Variants in EPHA6 observed in about 807,000 individuals in gnomAD.
The protein encoded by EPHA6 is EPH receptor A6, also known as ephrin type-A receptor 6.
Under a neutral mutation model 112.0 loss-of-function variants are expected in EPHA6, and 50 were observed. The ratio of observed to expected loss-of-function variants is 0.45; its 90% confidence interval spans 0.36 to 0.56. The LOEUF (loss-of-function observed/expected upper bound fraction) is 0.56. Ranked by LOEUF, EPHA6 falls within the 20% of genes least tolerant of loss-of-function variation. The probability of loss-of-function intolerance (pLI) is 0.00; values close to 1 mark genes in which losing one functional copy is unlikely to be tolerated. For missense variants in EPHA6, 1,280 were observed against 1,417.4 expected (o/e 0.90, Z 1.56); for synonymous variants, 529 against 490.7 (o/e 1.08, Z -1.03).
chr3:97,688,554 A>G (rs1172222286), intron 14 of EPHA6, among the ~76,000 whole-genome samples: 2 of 121,250 alleles, frequency 1.6e-5, no homozygotes, highest in Non-Finnish European at 3.2e-5. Flanking sequence ...GATGGGGAAC[A>G]TCACACACTG....
intron 6 of EPHA6, among the ~76,000 whole-genome samples, chr3:97,447,369 G>C (rs918603613): frequency 6.6e-6 from 1 of 152,052 alleles, no homozygotes; most frequent in African/African-American, 2.4e-5. Context: ...GAATATTATA[G>C]ACAGAATTTA....
intron 5 of EPHA6, among the ~76,000 whole-genome samples, chr3:97,317,673 A>T (rs2081911195): frequency 6.6e-6 from 1 of 151,930 alleles, no homozygotes; most frequent in South Asian, 2.1e-4. Flanking sequence ...TTCTATAATG[A>T]TCTTAGCTAT....
intron 3 of EPHA6, among the ~76,000 whole-genome samples, chr3:97,038,202 A>G (rs2045180776): frequency 6.6e-6 from 1 of 151,894 alleles, no homozygotes; most frequent in Non-Finnish European, 1.5e-5. Context: ...AATGCATAAT[A>G]TATTATTGTT....
chr3:97,654,480 A>G (rs1372159589), intron 14 of EPHA6, among the ~76,000 whole-genome samples: 1 of 151,998 alleles, frequency 6.6e-6, no homozygotes, highest in Non-Finnish European at 1.5e-5. Context: ...TAATTTTTAA[A>G]AGATAATCTC....
chr3:97,053,647 C>T (rs187757239), intron 3 of EPHA6, among the ~76,000 whole-genome samples: 2 of 152,144 alleles, frequency 1.3e-5, no homozygotes, highest in African/African-American at 2.4e-5. Context: ...CCACTGAGTC[C>T]TATACAACTT....
chr3:97,525,154 A>C (rs987387415), intron 10 of EPHA6, among the ~76,000 whole-genome samples: 1 of 152,032 alleles, frequency 6.6e-6, no homozygotes, highest in African/African-American at 2.4e-5. Flanking sequence ...ATGGTGTCCC[A>C]TATATCCCTA....
intron 3 of EPHA6, among the ~76,000 whole-genome samples, chr3:97,061,284 G>A (rs1227041236): frequency 6.6e-6 from 1 of 152,170 alleles, no homozygotes; most frequent in Non-Finnish European, 1.5e-5. Flanking sequence ...TTTAAACTTA[G>A]GACTAAAGTC....
At chr3:97,467,125 G>C (rs186177139) in intron 7 of EPHA6, among the ~76,000 whole-genome samples, 2 of 151,718 alleles carry the variant, frequency 1.3e-5, no homozygotes, top group African/African-American at 2.4e-5. Context: ...AAAGAGAAAC[G>C]CTATGAGGAA....
At chr3:97,475,857 ACTGT>A (rs560515594) in intron 8 of EPHA6, among the ~76,000 whole-genome samples, 142 of 152,274 alleles carry the variant, frequency 9.3e-4, no homozygotes, top group Middle Eastern at 3.4e-3. Flanking sequence ...AAATATTGAA[ACTGT>A]CTATGTTAGA....
chr3:96,842,028 G>A (rs1176139242), intron 1 of EPHA6, among the ~76,000 whole-genome samples: 1 of 151,998 alleles, frequency 6.6e-6, no homozygotes, highest in East Asian at 1.9e-4. Flanking sequence ...CACCTGTGTT[G>A]CAGCTGCCAC....
chr3:97,603,244 G>T (rs909648833), intron 12 of EPHA6, among the ~76,000 whole-genome samples: 1 of 151,896 alleles, frequency 6.6e-6, no homozygotes, highest in Non-Finnish European at 1.5e-5. Flanking sequence ...TTTCTAGCAG[G>T]AAGGAGGACA....
chr3:97,366,728 A>G (rs1459521354), intron 5 of EPHA6, among the ~76,000 whole-genome samples: 1 of 152,226 alleles, frequency 6.6e-6, no homozygotes, highest in Non-Finnish European at 1.5e-5. Flanking sequence ...TAAAAAAACA[A>G]AGCAATTGAT....
At chr3:97,742,523 T>A (rs1219117271) in intron 16 of EPHA6, among the ~76,000 whole-genome samples, 1 of 152,156 alleles carries the variant, frequency 6.6e-6, no homozygotes, top group Non-Finnish European at 1.5e-5. Flanking sequence ...GTTATCAGCC[T>A]TATTATGTTT....
intron 3 of EPHA6, among the ~76,000 whole-genome samples, chr3:97,131,104 AAG>A (rs796443713): frequency 5.9e-5 from 9 of 152,124 alleles, no homozygotes; most frequent in South Asian, 4.1e-4. Flanking sequence ...AGAGAAGAAA[AAG>A]AACTCGTATT....
intron 5 of EPHA6, among the ~76,000 whole-genome samples, chr3:97,351,135 C>T (rs1202961636): frequency 6.6e-6 from 1 of 152,182 alleles, no homozygotes; most frequent in Non-Finnish European, 1.5e-5. Flanking sequence ...TGGCAGACAT[C>T]CATCCTTGTG....
At position 97,748,982 on chromosome 3, in the gene EPHA6, G is replaced by A. The variant is rs935305895; in HGVS notation, c.*281G>A. On this transcript the variant is annotated 3_prime_UTR_variant, in exon 18 of 18. Transcript: ENST00000389672. Reference sequence around the variant, plus strand: ...ATGGATGTGTAATTTTGTATAAGCCGTATATGGGAAGTGTTCACGGACTTA... The same window carrying A: ...ATGGATGTGTAATTTTGTATAAGCCATATATGGGAAGTGTTCACGGACTTA... 7 of 389,940 alleles carry A rather than the reference G, an allele frequency of 1.8e-5. No individual in the cohort carries two copies. The highest frequency in any genetic ancestry group is 7.2e-5 in the Admixed American group (2 of 27,668). The allele number at this position is 389,940 out of a possible 1,614,324, so 24.2% of individuals were successfully genotyped here. A position where few individuals can be genotyped will look rare whatever the true frequency, so the allele number is the denominator to read the frequency against.
intron 1 of EPHA6, among the ~76,000 whole-genome samples, chr3:96,836,196 T>C (rs778144504): frequency 6.6e-6 from 1 of 152,152 alleles, no homozygotes; most frequent in Non-Finnish European, 1.5e-5. Context: ...TACTAGTGCA[T>C]GAATAACTAT....
At chr3:97,278,099 T>C (rs541928831) in intron 5 of EPHA6, among the ~76,000 whole-genome samples, 1 of 152,372 alleles carries the variant, frequency 6.6e-6, no homozygotes, top group Non-Finnish European at 1.5e-5. Context: ...TTTCTAACTC[T>C]TGGCTACTAA....
At chr3:97,218,355 A>C (rs1484902716) in intron 3 of EPHA6, among the ~76,000 whole-genome samples, 3 of 152,058 alleles carry the variant, frequency 2.0e-5, no homozygotes, top group Non-Finnish European at 2.9e-5. Flanking sequence ...TGCCTGAGAC[A>C]AGGTAATTTA....
Sources: gnomAD v4.1 joint callset for allele counts (sites outside exome capture counted in the v4.1 genomes callset) on GRCh38, gnomAD v4.1.1 for gene constraint, MANE v1.5 for transcripts, NCBI Gene and HGNC (gene_info 2026-07-23, HGNC 2026-07-21) for gene names.